The following DCC variants were observed in gnomAD, a reference collection of about 807,000 sequenced individuals.
DCC encodes netrin receptor DCC.
DCC carries 58 observed loss-of-function variants against 172.5 expected under a neutral mutation model. That is an observed-to-expected ratio of 0.34 (90% CI 0.27 to 0.42). DCC has a LOEUF of 0.42. Ranked by LOEUF, DCC falls within the 10% of genes least tolerant of loss-of-function variation. DCC has a pLI of 1.00. For missense variants in DCC, 1,740 were observed against 1,791.0 expected (o/e 0.97, Z 0.51); for synonymous variants, 709 against 644.5 (o/e 1.10, Z -1.52).
intron 1 of DCC, among the ~76,000 whole-genome samples, chr18:52,361,994 A>C (rs189529028): frequency 3.0e-4 from 45 of 152,328 alleles, no homozygotes; most frequent in Non-Finnish European, 6.0e-4. Flanking sequence ...CATGACACAC[A>C]TTCTCATCCA....
chr18:53,051,739 T>A (rs748881995), intron 5 of DCC, among the ~76,000 whole-genome samples: 5 of 152,112 alleles, frequency 3.3e-5, no homozygotes, highest in Non-Finnish European at 7.4e-5. Context: ...TTTTTCTTTC[T>A]GGATGTTCAA....
intron 5 of DCC, among the ~76,000 whole-genome samples, chr18:53,054,745 G>C (rs2042380399): frequency 6.6e-6 from 1 of 152,034 alleles, no homozygotes; most frequent in South Asian, 2.1e-4. Context: ...ATATATGAAG[G>C]ACACTAAATG....
intron 2 of DCC, among the ~76,000 whole-genome samples, chr18:52,852,221 C>T (rs138522310): frequency 0.01 from 1,563 of 152,112 alleles, 10 homozygotes; most frequent in Middle Eastern, 0.044. Context: ...AGGATTGGTA[C>T]TATTATTGAC....
intron 12 of DCC, among the ~76,000 whole-genome samples, chr18:53,221,389 T>C (rs1284749417): frequency 4.6e-5 from 7 of 152,160 alleles, no homozygotes; most frequent in African/African-American, 7.2e-5. Context: ...TCCAGCCGTC[T>C]CATTTTATCA....
Position 52,832,314 on chromosome 18 carries a change from G to A in DCC, c.413-73730G>A, listed in dbSNP as rs530440383. On this transcript the variant is annotated intron_variant, in intron 2 of 28. Coordinates refer to ENST00000442544, the MANE Select transcript of DCC (RefSeq NM_005215.4). ...CAAAATGGGCGAAGCCTGGTGCCAT[G>A]GGTTTGCTTATATTTTGCAAATCTC... is the stretch of plus-strand genomic sequence containing the variant. 2.0e-5 allele frequency among the ~76,000 whole-genome samples: 3 copies of A among 152,228 alleles called. No individual in the cohort carries two copies. The East Asian group carries it at 5.8e-4, about 29-fold the overall frequency.
intron 5 of DCC, among the ~76,000 whole-genome samples, chr18:52,952,319 A>G (rs2040661914): frequency 6.6e-6 from 1 of 152,218 alleles, no homozygotes; most frequent in Non-Finnish European, 1.5e-5. Flanking sequence ...TGAAATGTAA[A>G]CATCCCCTCT....
chr18:52,355,778 T>G (rs986244442), intron 1 of DCC, among the ~76,000 whole-genome samples: 3 of 152,016 alleles, frequency 2.0e-5, no homozygotes, highest in Admixed American at 6.6e-5. Flanking sequence ...TATATTATTG[T>G]ATTATTAAGA....
At chr18:52,824,348 A>T (rs962044681) in intron 2 of DCC, among the ~76,000 whole-genome samples, 1 of 152,178 alleles carries the variant, frequency 6.6e-6, no homozygotes, top group Non-Finnish European at 1.5e-5. Flanking sequence ...GAAAACATGA[A>T]GTGGTCTGTT....
In DCC at chr18:53,467,953, C is replaced by T. The variant is rs368090296; in HGVS notation, c.3679C>T (p.Arg1227Cys). The T allele has an allele frequency of 4.5e-5, 73 of 1,613,106 alleles. No individual in the cohort carries two copies. Among genetic ancestry groups the T allele is most frequent in the Middle Eastern group, 1.6e-4 (1 of 6,074 alleles). Residue 1227 changes from arginine (R) to cysteine (C), a missense_variant, in exon 25 of 29, where the codon CGC (arginine) becomes TGC (cysteine). Transcript: ENST00000442544. ...MSTLERSLAA[R>C]RAPRAKLMIP... The stretch of plus-strand genomic sequence containing the variant: ...CACTCTGGAGAGGTCGCTGGCTGCA[C>T]GCCGAGCCCCCCGGGCCAAGCTCAT...
At chr18:52,955,971 T>C (rs920200450) in intron 5 of DCC, among the ~76,000 whole-genome samples, 1 of 152,010 alleles carries the variant, frequency 6.6e-6, no homozygotes, top group Non-Finnish European at 1.5e-5. Flanking sequence ...TTTTTTTTTT[T>C]TAAATCAGTT....
intron 1 of DCC, among the ~76,000 whole-genome samples, chr18:52,634,450 A>C (rs2034734688): frequency 6.6e-6 from 1 of 152,202 alleles, no homozygotes; most frequent in Admixed American, 6.5e-5. Context: ...GAAAAAAATA[A>C]TCCTGGGGAG....
chr18:53,142,578 G>A (rs1424873915), intron 7 of DCC, among the ~76,000 whole-genome samples: 1 of 152,054 alleles, frequency 6.6e-6, no homozygotes, highest in Non-Finnish European at 1.5e-5. Flanking sequence ...TTAAGCAACA[G>A]TCCCTACCCC....
chr18:52,900,405 G>C (rs1403177433), intron 2 of DCC, among the ~76,000 whole-genome samples: 1 of 152,098 alleles, frequency 6.6e-6, no homozygotes, highest in Non-Finnish European at 1.5e-5. Flanking sequence ...AAAATAACAA[G>C]GTGAGACCCA....
chr18:53,446,330 G>A (rs1912611124), intron 22 of DCC, among the ~76,000 whole-genome samples: 2 of 152,004 alleles, frequency 1.3e-5, no homozygotes, highest in South Asian at 4.2e-4. Context: ...AATGTCTAAC[G>A]AGTGCCAACT....
intron 25 of DCC, among the ~76,000 whole-genome samples, chr18:53,470,291 CT>C (rs1345764192): frequency 6.6e-6 from 1 of 152,186 alleles, no homozygotes; most frequent in Non-Finnish European, 1.5e-5. Flanking sequence ...GTCTCCTTTG[CT>C]TCATTTCCCA....
At chr18:52,719,585 G>A (rs59449755) in intron 1 of DCC, among the ~76,000 whole-genome samples, 6,319 of 146,920 alleles carry the variant, frequency 0.043, 477 homozygotes, top group African/African-American at 0.15. Context: ...GGTCCAGCGG[G>A]GGAGATCAAT....
At chr18:52,836,463 G>A (rs1027767304) in intron 2 of DCC, among the ~76,000 whole-genome samples, 2 of 152,160 alleles carry the variant, frequency 1.3e-5, no homozygotes, top group African/African-American at 4.8e-5. Context: ...ATACAATGTG[G>A]GTACAGGCAT....
At chr18:53,261,635 C>A (rs530498503) in intron 12 of DCC, among the ~76,000 whole-genome samples, 1 of 152,068 alleles carries the variant, frequency 6.6e-6, no homozygotes, top group Non-Finnish European at 1.5e-5. Flanking sequence ...CTCAGCCTCT[C>A]CGAGTAGCTG....
intron 14 of DCC, among the ~76,000 whole-genome samples, chr18:53,323,485 A>G (rs563835860): frequency 1.3e-5 from 2 of 152,370 alleles, no homozygotes; most frequent in South Asian, 4.1e-4. Flanking sequence ...TTGATACAAT[A>G]ATAACTAAGA....
Sources: allele counts gnomAD v4.1 joint callset (sites outside exome capture counted in the v4.1 genomes callset), GRCh38; gene constraint gnomAD v4.1.1; transcripts MANE v1.5; gene names NCBI Gene and HGNC (gene_info 2026-07-23, HGNC 2026-07-21).